BEST3: variants seen among roughly 807,000 people sequenced by gnomAD.
The protein encoded by BEST3 is bestrophin-3.
BEST3 carries 50 observed loss-of-function variants against 47.1 expected under a neutral mutation model. The observed-to-expected ratio is 1.06, with a 90% CI of 0.85 to 1.34. The LOEUF (loss-of-function observed/expected upper bound fraction) is 1.34, where lower values mean the gene tolerates loss of function less well. Among genes scored for constraint, BEST3 ranks in the 40% most tolerant of loss-of-function variants. The pLI, the probability that BEST3 is intolerant of heterozygous loss-of-function variation, is 0.00. For synonymous variants in BEST3, 282 were observed against 298.8 expected (o/e 0.94, Z 0.58); for missense variants, 765 against 817.0 (o/e 0.94, Z 0.78).
At position 69,643,732 on chromosome 12, in the gene BEST3, G is replaced by A. The variant is rs1272134837; in HGVS notation, c.1156C>T (p.Gln386Ter). The change falls in exon 10 of 10, where the codon CAG (glutamine) becomes TAG (stop). Residue 386 changes from glutamine to a stop codon, truncating the protein, a stop_gained. Coordinates refer to the BEST3 transcript ENST00000331471. LOFTEE classifies it low-confidence loss of function (END_TRUNC). ...CTCTTAGCACACTGGAATTGAGGCT[G>A]AGGGAGTGGGATTTTTATATCTTCC... 2 of 715,854 alleles carry A rather than the reference G, an allele frequency of 2.8e-6. No homozygotes were observed. Among genetic ancestry groups the A allele is most frequent in the East Asian group, 2.7e-5 (1 of 37,180 alleles). 44.3% of individuals were successfully genotyped at this position (715,854 alleles called of 1,614,324 possible). A position where few individuals can be genotyped will look rare whatever the true frequency, so the allele number is the denominator to read the frequency against.
Position 69,693,796 on chromosome 12 carries a change from T to C in BEST3, c.359A>G (p.His120Arg), listed in dbSNP as rs1886025774. The C allele has an allele frequency of 1.2e-6, 2 of 1,614,052 alleles. No homozygotes were observed. The highest frequency in any genetic ancestry group is 1.3e-5 in the African/African-American group (1 of 74,928). ...ISSSVHGSDE[H>R]GRLLRRTLMR... ...CAGCGTCCTTCTAAGCAGGCGCCCG[T>C]GCTCGTCGCTTCCGTGAACACTGCT... The change falls in exon 4 of 10, where the codon CAC becomes CGC. Residue 120 changes from histidine to arginine, a missense_variant. Physicochemically the swap from His to Arg is conservative, Grantham distance 29 (BLOSUM62 0). Transcript: ENST00000330891.
chr12:69,658,354 T>C (rs1883642334), intron 9 of BEST3, among the ~76,000 whole-genome samples: 2 of 152,200 alleles, frequency 1.3e-5, no homozygotes, highest in Admixed American at 1.3e-4. Context: ...GCAAGAGGTA[T>C]AAACTCCTGG....
In BEST3 at chr12:69,697,688, A is replaced by G. The variant is rs750042208; in HGVS notation, c.111T>C (p.Ile37=). ...TTGCTGTATAAAGAACAGCAAAAAC[A>G]ATAAATTCCCTGTACAGTAGTTTGT... ...SIYKLLYREF[I]VFAVLYTAIS... The change falls in exon 2 of 10, where the codon ATT becomes ATC. Residue 37 remains isoleucine, a synonymous_variant. Coordinates refer to ENST00000330891, the MANE Select transcript of BEST3 (RefSeq NM_032735.3). 1.9e-6 allele frequency: 3 copies of G among 1,610,394 alleles called. No individual in the cohort carries two copies. Among genetic ancestry groups the G allele is most frequent in the Non-Finnish European group, 2.5e-6 (3 of 1,178,542 alleles).
At position 69,693,720 on chromosome 12, in the gene BEST3, A is replaced by C; in HGVS notation, c.435T>G (p.Thr145=). 1.2e-6 allele frequency: 2 copies of C among 1,614,206 alleles called. No individual in the cohort carries two copies. The highest frequency in any genetic ancestry group is 8.5e-7 in the Non-Finnish European group (1 of 1,180,032). ...TTGTGGGAAATCTTTTGTACACAGC[A>C]GTGCTCACCGAGCGAAAGATGAGCA... ...TSLLIFRSVS[T]AVYKRFPTMD... Residue 145 remains threonine, a synonymous_variant, in exon 4 of 10, where the codon ACT becomes ACG. Transcript: ENST00000330891.
In BEST3 at chr12:69,697,729, A is replaced by G. The variant is rs1271592619; in HGVS notation, c.70T>C (p.Trp24Arg). ...AGTAGTTTGTAGATGCTGCCTCTCC[A>G]CTTGAGGAGTAACCTATGAAATCCA... is the stretch of plus-strand genomic sequence containing the variant. ...FFGFHRLLLK[W>R]RGSIYKLLYR... is the part of the protein sequence containing the mutation. The change falls in exon 2 of 10, where the codon TGG becomes CGG. Residue 24 changes from tryptophan to arginine, a missense_variant. Coordinates refer to ENST00000330891, the MANE Select transcript of BEST3 (RefSeq NM_032735.3). The G allele has an allele frequency of 3.1e-6, 5 of 1,613,176 alleles. No individual in the cohort carries two copies. Among genetic ancestry groups the G allele is most frequent in the Non-Finnish European group, 4.2e-6 (5 of 1,179,320 alleles).
At chr12:69,671,657 A>G in intron 8 of BEST3, 78 bp from the exon 9 acceptor site, 1 of 1,367,154 alleles carries the variant, frequency 7.3e-7, no homozygotes, top group East Asian at 2.3e-5. Context: ...GGCAGATGAG[A>G]GTTAGATTGG....
At chr12:69,659,272 C>G (rs1198475238) in intron 9 of BEST3, among the ~76,000 whole-genome samples, 1 of 152,174 alleles carries the variant, frequency 6.6e-6, no homozygotes, top group African/African-American at 2.4e-5. Context: ...CTGTTCATCT[C>G]CTCCTTTCTC....
intron 9 of BEST3, among the ~76,000 whole-genome samples, chr12:69,670,764 TTTTTGTTTTG>T (rs554949152): frequency 3.3e-5 from 5 of 152,082 alleles, no homozygotes; most frequent in South Asian, 2.1e-4. Context: ...TGCTACAGTT[TTTTTGTTTTG>T]TTTTGTTTTG....
intron 9 of BEST3, chr12:69,670,649 G>A: frequency 1.5e-6 from 1 of 680,494 alleles, no homozygotes; most frequent in Non-Finnish European, 2.7e-6. Flanking sequence ...AGCAACCACA[G>A]GACACAAACC....
intron 8 of BEST3, 101 bp downstream of exon 8, chr12:69,672,784 G>A: frequency 3.7e-6 from 3 of 815,772 alleles, no homozygotes; most frequent in Non-Finnish European, 1.9e-6. Flanking sequence ...TGTGGCTAAA[G>A]CTCTGAAGCC....
rs374914039 is a variant in BEST3 at position 69,655,403 on chromosome 12, A to T, written c.1511T>A (p.Leu504Ter). 1.2e-6 allele frequency: 2 copies of T among 1,614,108 alleles called. No homozygotes were observed. The highest frequency in any genetic ancestry group is 8.5e-7 in the Non-Finnish European group (1 of 1,180,010). Residue 504 changes from leucine to a stop codon, truncating the protein, a stop_gained, in exon 10 of 10, where the codon TTG (leucine) becomes TAG (stop). Coordinates refer to ENST00000330891, the MANE Select transcript of BEST3 (RefSeq NM_032735.3). LOFTEE classifies it low-confidence loss of function (END_TRUNC). ...PIKMPLVPEV[L>*]ITAAEAPVPT... The stretch of plus-strand genomic sequence containing the variant: ...CACTGGTGCTTCGGCTGCTGTGATC[A>T]ATACCTCAGGTACCAGTGGCATTTT...
intron 1 of BEST3, among the ~76,000 whole-genome samples, 185 bp from the exon 2 acceptor site, chr12:69,697,998 G>A (rs1261828115): frequency 6.6e-6 from 1 of 152,196 alleles, no homozygotes. Flanking sequence ...CAGAAAGCAG[G>A]AGGAAAGCAG....
intron 4 of BEST3, among the ~76,000 whole-genome samples, chr12:69,685,187 G>C (rs1885506252): frequency 1.3e-5 from 2 of 152,152 alleles, no homozygotes. Flanking sequence ...ATAAGGAATA[G>C]AGACAGACAC....
intron 4 of BEST3, among the ~76,000 whole-genome samples, chr12:69,685,735 C>T (rs1885541686): frequency 1.3e-5 from 2 of 152,120 alleles, no homozygotes; most frequent in African/African-American, 4.8e-5. Flanking sequence ...ATTCTGATTC[C>T]CTAGGTTGCC....
chr12:69,654,128 T>C lies in BEST3; in HGVS notation c.*779A>G, dbSNP rs991396953. On this transcript the variant is annotated 3_prime_UTR_variant, in exon 10 of 10. Coordinates refer to ENST00000330891, the MANE Select transcript of BEST3 (RefSeq NM_032735.3). ...TTTGTTGACACCTTTGATGATTCTG[T>C]AGGAGGCTTTGCCAATGTCTTATAT... 2.0e-6 allele frequency: 2 copies of C among 985,296 alleles called. No individual in the cohort carries two copies. The highest frequency in any genetic ancestry group is 2.4e-6 in the Non-Finnish European group (2 of 829,922). The allele number at this position is 985,296 out of a possible 1,614,324, so 61.0% of individuals were successfully genotyped here.
chr12:69,688,006 G>A (rs997788710), intron 4 of BEST3, among the ~76,000 whole-genome samples: 24 of 152,184 alleles, frequency 1.6e-4, no homozygotes, highest in African/African-American at 5.8e-4. Flanking sequence ...GAGCAAAGGC[G>A]TAATAGTTCT....
At chr12:69,671,637 AG>A (rs1325591959) in intron 8 of BEST3, 58 bp from the exon 9 acceptor site, 2 of 1,558,584 alleles carry the variant, frequency 1.3e-6, no homozygotes, top group African/African-American at 2.7e-5. Context: ...AAAAAGGAGA[AG>A]TTTTTTTGGG....
At chr12:69,686,196 A>AC (rs1344409060) in intron 4 of BEST3, among the ~76,000 whole-genome samples, 1 of 151,784 alleles carries the variant, frequency 6.6e-6, no homozygotes, top group African/African-American at 2.4e-5. Flanking sequence ...AAAAAAAAAA[A>AC]AACAAACAGC....
intron 9 of BEST3, among the ~76,000 whole-genome samples, chr12:69,667,564 G>C (rs571439641): frequency 1.3e-5 from 2 of 152,246 alleles, no homozygotes; most frequent in South Asian, 4.1e-4. Context: ...CCAAAGTGCT[G>C]GGATTACAGG....
Sources: allele counts gnomAD v4.1 joint callset (sites outside exome capture counted in the v4.1 genomes callset), GRCh38; gene constraint gnomAD v4.1.1; transcripts MANE v1.5; gene names NCBI Gene and HGNC (gene_info 2026-07-23, HGNC 2026-07-21).